The following SEPTIN10 variants were observed in gnomAD, a reference collection of about 807,000 sequenced individuals.
The protein encoded by SEPTIN10 is septin 10, also known as septin-10.
A neutral mutation model predicts 54.8 loss-of-function variants in SEPTIN10; 66 were observed. The observed-to-expected ratio is 1.21, with a 90% CI of 0.99 to 1.48. The LOEUF is 1.48. Among genes scored for constraint, SEPTIN10 ranks in the 40% most tolerant of loss-of-function variants. The probability of loss-of-function intolerance (pLI) is 0.00; values close to 1 mark genes in which losing one functional copy is unlikely to be tolerated. For missense variants in SEPTIN10, 620 were observed against 545.6 expected (o/e 1.14, Z -1.36); for synonymous variants, 161 against 181.0 (o/e 0.89, Z 0.89).
chr2:109,547,066 A>G (rs1398353507), intron 9 of SEPTIN10, among the ~76,000 whole-genome samples: 1 of 152,064 alleles, frequency 6.6e-6, no homozygotes, highest in Admixed American at 6.6e-5. Flanking sequence ...CCCTTCCCCA[A>G]CCAGGGAGAA....
At chr2:109,562,697 C>T (rs984319565) in intron 8 of SEPTIN10, among the ~76,000 whole-genome samples, 1 of 152,148 alleles carries the variant, frequency 6.6e-6, no homozygotes, top group Non-Finnish European at 1.5e-5. Flanking sequence ...ACCCCTTCCA[C>T]CTCAGTGCAC....
At chr2:109,576,583 T>C (rs1558796980) in intron 4 of SEPTIN10, among the ~76,000 whole-genome samples, 1 of 152,134 alleles carries the variant, frequency 6.6e-6, no homozygotes, top group East Asian at 1.9e-4. Context: ...TGGGAAAAAT[T>C]AATCTGTTAA....
Position 109,585,756 on chromosome 2 carries a change from A to G in SEPTIN10, c.182T>C (p.Ile61Thr). 1 of 1,612,972 alleles carries G rather than the reference A, an allele frequency of 6.2e-7. No homozygotes were observed. The highest frequency in any genetic ancestry group is 8.5e-7 in the Non-Finnish European group (1 of 1,179,562). Residue 61 changes from isoleucine to threonine, a missense_variant, in exon 3 of 11, where the codon ATT becomes ACT. By Grantham distance (89) the Ile-to-Thr change is moderately conservative. Transcript: ENST00000397712. ...AATATTAAAGCAGAAACCTTGCTGA[A>G]TGGATCTGTTCACCAGCTGATCAGG... ...SLPDQLVNRS[I>T]QQGFCFNILC...
intron 8 of SEPTIN10, among the ~76,000 whole-genome samples, chr2:109,562,964 G>A (rs140374760): frequency 0.045 from 6,845 of 151,586 alleles, 476 homozygotes; most frequent in African/African-American, 0.15. Flanking sequence ...AGGTTGGAGT[G>A]CAGTGGCACG....
intron 2 of SEPTIN10, among the ~76,000 whole-genome samples, chr2:109,587,783 C>T (rs780062495): frequency 2.0e-5 from 3 of 151,772 alleles, no homozygotes; most frequent in Non-Finnish European, 4.4e-5. Context: ...TGTGGTGGCA[C>T]GCACCTGTAG....
At chr2:109,569,873 A>C (rs1321652286) in intron 5 of SEPTIN10, among the ~76,000 whole-genome samples, 1 of 152,162 alleles carries the variant, frequency 6.6e-6, no homozygotes, top group Non-Finnish European at 1.5e-5. Flanking sequence ...TTCCATGTCA[A>C]GCAGTCGAAT....
rs536636508 is a variant in SEPTIN10, at chr2:109,569,526, C to A, written c.601-1550G>T. On this transcript the variant is annotated intron_variant, in intron 5 of 10. Transcript: ENST00000397712. ...TTTCACATTGATGCCAAGTATATAT[C>A]TGAATTTATCAGCCTTCCATATGCT... Among the ~76,000 whole-genome samples, 7 of 150,736 alleles carry A rather than the reference C, an allele frequency of 4.6e-5. No homozygotes were observed. In the South Asian group the frequency reaches 1.5e-3, roughly 31 times the overall value.
chr2:109,603,978 G>A (rs541097442), intron 1 of SEPTIN10, among the ~76,000 whole-genome samples: 56 of 151,548 alleles, frequency 3.7e-4, no homozygotes, highest in East Asian at 2.0e-4. Flanking sequence ...TGGCTAACAC[G>A]GTGAAACCCC....
chr2:109,585,348 T>C, intron 3 of SEPTIN10, 27 bp from the exon 4 acceptor site: 1 of 1,540,954 alleles, frequency 6.5e-7, no homozygotes, highest in Non-Finnish European at 8.8e-7. Context: ...TACATCTTTA[T>C]GGTTGCATGA....
chr2:109,545,977 C>A, intron 10 of SEPTIN10, 73 bp downstream of exon 10: 1 of 1,504,964 alleles, frequency 6.6e-7, no homozygotes, highest in South Asian at 1.4e-5. Context: ...AAGTAAGAAG[C>A]GCTAGGAAGA....
At chr2:109,601,756 C>A (rs1326576479) in intron 1 of SEPTIN10, among the ~76,000 whole-genome samples, 2 of 148,512 alleles carry the variant, frequency 1.3e-5, no homozygotes, top group East Asian at 2.0e-4. Context: ...TCTTTCTACA[C>A]CCTGAAGTTA....
chr2:109,545,469 C>A (rs892474727), intron 10 of SEPTIN10: 11 of 1,536,004 alleles, frequency 7.2e-6, no homozygotes, highest in Admixed American at 5.9e-5. Context: ...CCTTTCTCTG[C>A]GTCTTTACGT....
chr2:109,563,508 C>T (rs1686183963), intron 8 of SEPTIN10, among the ~76,000 whole-genome samples: 1 of 152,186 alleles, frequency 6.6e-6, no homozygotes, highest in Admixed American at 6.5e-5. Flanking sequence ...TTCCTGCATG[C>T]AAACACTGTT....
chr2:109,607,208 A>G (rs577909992), intron 1 of SEPTIN10, among the ~76,000 whole-genome samples: 5 of 152,360 alleles, frequency 3.3e-5, no homozygotes, highest in East Asian at 3.9e-4. Flanking sequence ...CCAAAAATTC[A>G]TATTAGTAAG....
At chr2:109,574,557 A>G in intron 5 of SEPTIN10, 24 bp downstream of exon 5, 2 of 1,409,758 alleles carry the variant, frequency 1.4e-6, no homozygotes, top group Non-Finnish European at 1.9e-6. Context: ...AAGTATGGTA[A>G]GTTGATTCCT....
intron 1 of SEPTIN10, among the ~76,000 whole-genome samples, chr2:109,595,301 T>C (rs1695072869): frequency 6.6e-6 from 1 of 152,222 alleles, no homozygotes; most frequent in African/African-American, 2.4e-5. Flanking sequence ...GTTCTGATTG[T>C]GTTTTTACAA....
At chr2:109,551,878 T>C (rs767392598) in intron 9 of SEPTIN10, among the ~76,000 whole-genome samples, 34 of 152,212 alleles carry the variant, frequency 2.2e-4, no homozygotes, top group Non-Finnish European at 4.3e-4. Flanking sequence ...CAAACAAAAC[T>C]ACAGAAGTTC....
At chr2:109,569,826 G>C (rs1260629193) in intron 5 of SEPTIN10, among the ~76,000 whole-genome samples, 1 of 150,594 alleles carries the variant, frequency 6.6e-6, no homozygotes, top group Non-Finnish European at 1.5e-5. Context: ...TGCCCAAAGA[G>C]GGTCGCTTGT....
At chr2:109,585,683 T>C in intron 3 of SEPTIN10, 38 bp downstream of exon 3, 5 of 1,374,742 alleles carry the variant, frequency 3.6e-6, no homozygotes, top group African/African-American at 2.8e-5. Flanking sequence ...ACAAGGAATA[T>C]GAAGGAACAA....
Sources: allele counts gnomAD v4.1 joint callset (sites outside exome capture counted in the v4.1 genomes callset), GRCh38; gene constraint gnomAD v4.1.1; transcripts MANE v1.5; gene names NCBI Gene and HGNC (gene_info 2026-07-23, HGNC 2026-07-21).